Variants in CUX2 observed in about 807,000 individuals in gnomAD.
CUX2 encodes the protein cut like homeobox 2, also known as homeobox protein cut-like 2.
A neutral mutation model predicts 144.8 loss-of-function variants in CUX2; 40 were observed. The ratio of observed to expected loss-of-function variants is 0.28; its 90% confidence interval spans 0.21 to 0.36. CUX2 has a LOEUF of 0.36. CUX2 is among the 10% of genes least tolerant of loss of function. The pLI is 1.00. For missense variants in CUX2, 1,615 were observed against 1,994.0 expected (o/e 0.81, Z 3.62); for synonymous variants, 827 against 875.6 (o/e 0.94, Z 0.98).
rs933765921 is a variant in CUX2, at chr12:111,059,765, T to A, written c.63+25525T>A. 6.6e-6 allele frequency among the ~76,000 whole-genome samples: 1 copy of A among 150,876 alleles called. No individual in the cohort carries two copies. Among genetic ancestry groups the A allele is most frequent in the African/African-American group, 2.4e-5 (1 of 40,984 alleles). On this transcript the variant is annotated intron_variant, in intron 1 of 21. Transcript: ENST00000261726. This position sits in a 1 kb window ranked among gnomAD's most constrained non-coding sequence, Gnocchi z 5.3. The stretch of plus-strand genomic sequence containing the variant: ...CCAAGGAGAAGGTGGTCGTGGGGGG[T>A]CCTCAGTCCTGGCTGGGATGCCGAG...
At chr12:111,278,399 C>T (rs965242588) in intron 4 of CUX2, among the ~76,000 whole-genome samples, 2 of 152,118 alleles carry the variant, frequency 1.3e-5, no homozygotes, top group African/African-American at 4.8e-5. Context: ...GTGGCCTGGG[C>T]GACAGAGCAA....
intron 1 of CUX2, among the ~76,000 whole-genome samples, chr12:111,049,966 T>C (rs1489339134): frequency 6.6e-6 from 1 of 152,076 alleles, no homozygotes. Context: ...TCAGAAATGG[T>C]TCCACCCACC....
At position 111,171,328 on chromosome 12, in the gene CUX2, G is replaced by A. The variant is rs558709761; in HGVS notation, c.64-42872G>A. ...CCAGTGAACACCTGAGCCCCTTAGTGCATTGTGCAGCCTGCTGAGAGCACC... is the reference window on the plus strand; with the variant it reads ...CCAGTGAACACCTGAGCCCCTTAGTACATTGTGCAGCCTGCTGAGAGCACC... On this transcript the variant is annotated intron_variant, in intron 1 of 21. Coordinates refer to ENST00000261726, the MANE Select transcript of CUX2 (RefSeq NM_015267.4). The surrounding 1 kb of genome is among the most constrained non-coding windows in gnomAD (Gnocchi z 5.0). Among the ~76,000 whole-genome samples, 1 of 152,268 alleles carries A rather than the reference G, an allele frequency of 6.6e-6. No individual in the cohort carries two copies. Among genetic ancestry groups the A allele is most frequent in the South Asian group, 2.1e-4 (1 of 4,826 alleles).
chr12:111,080,516 T>TAA (rs150815012), intron 1 of CUX2, among the ~76,000 whole-genome samples: 8 of 140,644 alleles, frequency 5.7e-5, no homozygotes, highest in African/African-American at 5.2e-5. Context: ...TCTGTCTCTC[T>TAA]AAAAAAAAAA....
At chr12:111,212,061 C>T (rs1363837194) in intron 1 of CUX2, among the ~76,000 whole-genome samples, 3 of 152,138 alleles carry the variant, frequency 2.0e-5, no homozygotes, top group Non-Finnish European at 4.4e-5. Flanking sequence ...TTGACCCTGG[C>T]CCTCCAGTTT....
intron 4 of CUX2, among the ~76,000 whole-genome samples, chr12:111,285,028 A>G: frequency 6.6e-6 from 1 of 152,120 alleles, no homozygotes. Flanking sequence ...ACCTGTGACG[A>G]CGTCCGGGAA....
intron 1 of CUX2, among the ~76,000 whole-genome samples, chr12:111,108,164 G>T (rs909009613): frequency 6.6e-6 from 1 of 152,194 alleles, no homozygotes; most frequent in Non-Finnish European, 1.5e-5. Context: ...AGAATGCAGG[G>T]TGTTTACTTA....
At chr12:111,134,612 C>CTGTGTGTGTGTG (rs1228524853) in intron 1 of CUX2, among the ~76,000 whole-genome samples, 198 of 143,870 alleles carry the variant, frequency 1.4e-3, no homozygotes, top group African/African-American at 5.7e-3. Context: ...CTCTCTCTCT[C>CTGTGTGTGTGTG]TCTCTCTCTG....
chr12:111,115,479 G>T (rs1874241223), intron 1 of CUX2, among the ~76,000 whole-genome samples: 1 of 151,738 alleles, frequency 6.6e-6, no homozygotes, highest in Non-Finnish European at 1.5e-5. Flanking sequence ...TAGAGATGGG[G>T]TTTCACCATG....
chr12:111,141,227 A>AACACACACACACAC (rs111451932), intron 1 of CUX2, among the ~76,000 whole-genome samples: 5 of 147,448 alleles, frequency 3.4e-5, no homozygotes, highest in African/African-American at 1.2e-4. Context: ...GGCTTAGGTC[A>AACACACACACACAC]ACACACACAC....
At chr12:111,331,939 G>A (rs1488789489) in intron 18 of CUX2, among the ~76,000 whole-genome samples, 3 of 151,778 alleles carry the variant, frequency 2.0e-5, no homozygotes, top group Non-Finnish European at 4.4e-5. Flanking sequence ...AGTTAGCCGG[G>A]TGTGGTGGCA....
At chr12:111,078,925 G>A (rs1209179973) in intron 1 of CUX2, among the ~76,000 whole-genome samples, 1 of 152,204 alleles carries the variant, frequency 6.6e-6, no homozygotes, top group African/African-American at 2.4e-5. Context: ...GGAGTCGTGC[G>A]TGGGAACACC....
chr12:111,334,002 A>G (rs1888230076), intron 18 of CUX2, among the ~76,000 whole-genome samples: 1 of 151,962 alleles, frequency 6.6e-6, no homozygotes, highest in Non-Finnish European at 1.5e-5. Context: ...CCTGGCTAAC[A>G]TGGTGAAACC....
At chr12:111,331,664 A>T (rs1888125461) in intron 18 of CUX2, among the ~76,000 whole-genome samples, 1 of 152,086 alleles carries the variant, frequency 6.6e-6, no homozygotes, top group South Asian at 2.1e-4. Context: ...TACGTGTCTT[A>T]TGGCCCCATT....
chr12:111,111,100 G>A (rs766531751), intron 1 of CUX2, among the ~76,000 whole-genome samples: 4 of 152,112 alleles, frequency 2.6e-5, no homozygotes, highest in Non-Finnish European at 5.9e-5. Context: ...TCAGGAGTTC[G>A]AGACCACCGT....
chr12:111,176,843 G>A (rs1163971419), intron 1 of CUX2, among the ~76,000 whole-genome samples: 1 of 152,182 alleles, frequency 6.6e-6, no homozygotes, highest in Non-Finnish European at 1.5e-5. Flanking sequence ...CTGTTCACCG[G>A]AGGAAATGCC....
chr12:111,175,103 C>T (rs1878768256), intron 1 of CUX2, among the ~76,000 whole-genome samples: 1 of 152,072 alleles, frequency 6.6e-6, no homozygotes, highest in Non-Finnish European at 1.5e-5. Context: ...TTTGTACATC[C>T]CTGGTGAAAC....
At chr12:111,069,525 T>G (rs1482187928) in intron 1 of CUX2, among the ~76,000 whole-genome samples, 1 of 139,362 alleles carries the variant, frequency 7.2e-6, no homozygotes, top group Non-Finnish European at 1.6e-5. Flanking sequence ...TTGCTCTGTG[T>G]GTGTGTGTGT....
chr12:111,184,600 CAG>C lies in CUX2; in HGVS notation c.64-29598_64-29597del, dbSNP rs1312138118. 3.1e-4 allele frequency among the ~76,000 whole-genome samples: 21 copies of C among 68,262 alleles called. No individual in the cohort carries two copies. The South Asian group carries it at 5.8e-3, about 19-fold the overall frequency. The allele number at this position is 68,262 out of a possible 152,430, so 44.8% of individuals were successfully genotyped here. ...AAAAAAAAAAAAAAAAAAAAAAAAA[CAG>C]AAAAATTAGCTGGGTAAGGTGGCAC... On this transcript the variant is annotated intron_variant, in intron 1 of 21. Transcript: ENST00000261726.
Sources: allele counts gnomAD v4.1 joint callset (sites outside exome capture counted in the v4.1 genomes callset), GRCh38; gene constraint gnomAD v4.1.1; non-coding constraint Gnocchi (gnomAD v3.1); transcripts MANE v1.5; gene names NCBI Gene and HGNC (gene_info 2026-07-23, HGNC 2026-07-21).